Variants in IPO8 observed in about 807,000 individuals in gnomAD.
IPO8 encodes the protein importin 8.
A neutral mutation model predicts 141.2 loss-of-function variants in IPO8; 65 were observed. The ratio of observed to expected loss-of-function variants is 0.46; its 90% CI spans 0.38 to 0.57. The LOEUF is 0.57. Among genes scored for constraint, IPO8 ranks in the 20% least tolerant of loss-of-function variants. The probability of loss-of-function intolerance (pLI) is 0.00; values close to 1 mark genes in which losing one functional copy is unlikely to be tolerated. For missense variants in IPO8, 980 were observed against 1,246.8 expected, an observed-to-expected ratio of 0.79 and a Z score of 3.22; for synonymous variants, 411 against 420.3, an observed-to-expected ratio of 0.98 and a Z score of 0.27.
At chr12:30,688,749 A>G (rs2053265515) in intron 2 of IPO8, 1 of 157,130 alleles carries the variant, frequency 6.4e-6, no homozygotes, top group African/African-American at 2.4e-5. Context: ...TGGGGAACCT[A>G]GCATTCTAAT....
chr12:30,645,115 T>C (rs1367619112), intron 20 of IPO8, among the ~76,000 whole-genome samples: 2 of 151,770 alleles, frequency 1.3e-5, no homozygotes, highest in Non-Finnish European at 1.5e-5. Context: ...GGCTCACGCC[T>C]GTAATCCCAG....
In IPO8 at chr12:30,695,675, C is replaced by T; in HGVS notation, c.-28G>A. On this transcript the variant is annotated 5_prime_UTR_variant, in exon 1 of 25. Coordinates refer to ENST00000256079, the MANE Select transcript of IPO8 (RefSeq NM_006390.4). This position sits in a 1 kb window ranked among gnomAD's most constrained non-coding sequence, Gnocchi z 4.2. ...CCCCGGGTGGGGGCTCCGCGGCCCCCGGAACAGTAGGCCGGACTGCAGCTT... is the reference window on the plus strand; with the variant it reads ...CCCCGGGTGGGGGCTCCGCGGCCCCTGGAACAGTAGGCCGGACTGCAGCTT... 6.2e-7 allele frequency: 1 copy of T among 1,603,624 alleles called. No individual in the cohort carries two copies. Among genetic ancestry groups the T allele is most frequent in the South Asian group, 1.1e-5 (1 of 90,816 alleles).
In IPO8 at chr12:30,637,112, A is replaced by T. The variant is rs1436446100; in HGVS notation, c.2565T>A (p.Asp855Glu). Residue 855 changes from aspartate (D) to glutamate (E), a missense_variant, in exon 22 of 25, where the codon GAT (aspartate) becomes GAA (glutamate). Physicochemically the swap from Asp to Glu is conservative, Grantham distance 45. This residue lies in a region of IPO8 where 924 missense variants were observed against 1,153.9 expected (regional missense o/e 0.80). Coordinates refer to ENST00000256079, the MANE Select transcript of IPO8 (RefSeq NM_006390.4). ...LELQNRPPAV[D>E]AVVGQIVPSI... The stretch of plus-strand genomic sequence containing the variant: ...AGGGAACAATCTGTCCCACCACAGC[A>T]TCTACTGCAGGAGGTCGATTTTGCA... The T allele has an allele frequency of 6.2e-7, 1 of 1,614,040 alleles. No individual in the cohort carries two copies. Among genetic ancestry groups the T allele is most frequent in the Non-Finnish European group, 8.5e-7 (1 of 1,179,958 alleles).
rs746120489 is a variant in IPO8 at position 30,662,404 on chromosome 12, TA to T, written c.1677del (p.Thr560LeufsTer7). On this transcript the variant is annotated frameshift_variant, in exon 15 of 25. Transcript: ENST00000256079. LOFTEE classifies it high-confidence loss of function. Reference sequence around the variant, plus strand: ...CATATCATCTTCTGGATGACATTAGTAACATCATCATTTTCTGTCTCTCTAA... The same window carrying T: ...CATATCATCTTCTGGATGACATTAGTACATCATCATTTTCTGTCTCTCTAA... ...HIVRETENDDVTNVIQKMICE... is the reference protein window; with the variant it reads ...HIVRETENDDXTNVIQKMICE... 1 of 1,613,034 alleles carries T rather than the reference TA, an allele frequency of 6.2e-7. No individual in the cohort carries two copies. Among genetic ancestry groups the T allele is most frequent in the African/African-American group, 1.3e-5 (1 of 74,900 alleles).
At chr12:30,631,277 C>T (rs990874754) in intron 24 of IPO8, among the ~76,000 whole-genome samples, 2 of 152,174 alleles carry the variant, frequency 1.3e-5, no homozygotes, top group African/African-American at 4.8e-5. Flanking sequence ...TGAGAATCTG[C>T]ACAGAACTGA....
chr12:30,671,701 A>C (rs928213717), intron 8 of IPO8, among the ~76,000 whole-genome samples: 6 of 144,634 alleles, frequency 4.1e-5, no homozygotes, highest in African/African-American at 1.5e-4. Context: ...AAAAAAAAAA[A>C]TTACAATAAC....
intron 20 of IPO8, among the ~76,000 whole-genome samples, chr12:30,647,485 C>T (rs1043238101): frequency 6.6e-6 from 1 of 150,774 alleles, no homozygotes; most frequent in African/African-American, 2.4e-5. Context: ...TGTAGTAGCA[C>T]GTGCCTGCAG....
At chr12:30,643,480 G>A (rs756552640) in intron 20 of IPO8, among the ~76,000 whole-genome samples, 6 of 152,132 alleles carry the variant, frequency 3.9e-5, no homozygotes, top group Non-Finnish European at 7.4e-5. Context: ...CTATGGTCTC[G>A]ATATGGTTTG....
chr12:30,695,662 G>A lies in IPO8; in HGVS notation c.-15C>T, dbSNP rs778491175. On this transcript the variant is annotated 5_prime_UTR_variant, in exon 1 of 25. Transcript: ENST00000256079. The surrounding 1 kb of genome is among the most constrained non-coding windows in gnomAD (Gnocchi z 4.2). ...TTGAGGTCCATCTCCCCGGGTGGGG[G>A]CTCCGCGGCCCCCGGAACAGTAGGC... 2.5e-5 allele frequency: 41 copies of A among 1,611,888 alleles called. No individual in the cohort carries two copies. In the Admixed American group the frequency reaches 5.2e-4, roughly 20 times the overall value.
intron 23 of IPO8, 30 bp from the exon 24 acceptor site, chr12:30,632,041 G>A: frequency 1.4e-6 from 2 of 1,433,880 alleles, no homozygotes; most frequent in Non-Finnish European, 2.0e-6. Context: ...AAAGACAGGA[G>A]GGTACAGCGA....
chr12:30,668,059 A>AAG (rs57185367), intron 10 of IPO8, among the ~76,000 whole-genome samples: 83 of 149,628 alleles, frequency 5.5e-4, no homozygotes, highest in East Asian at 4.7e-3. Flanking sequence ...GAACAAAAAA[A>AAG]AGAGAGAGAG....
chr12:30,665,840 C>T lies in IPO8; in HGVS notation c.1227G>A (p.Leu409=). 1 of 1,605,944 alleles carries T rather than the reference C, an allele frequency of 6.2e-7. No individual in the cohort carries two copies. The highest frequency in any genetic ancestry group is 8.5e-7 in the Non-Finnish European group (1 of 1,172,888). The change falls in exon 12 of 25, where the codon TTG becomes TTA. Residue 409 remains leucine (L), a synonymous_variant. Transcript: ENST00000256079. ...YTAAKKRKEV[L]PKMMAFCYQI... is the part of the protein sequence containing the mutation. Reference sequence around the variant, plus strand: ...GATAACAGAATGCCATCATTTTTGGCAACACCTAAAGAAACAGAAGAATCC... The same window carrying T: ...GATAACAGAATGCCATCATTTTTGGTAACACCTAAAGAAACAGAAGAATCC...
intron 19 of IPO8, among the ~76,000 whole-genome samples, chr12:30,650,366 TAGAG>T (rs2052709224): frequency 6.6e-6 from 1 of 151,972 alleles, no homozygotes; most frequent in Non-Finnish European, 1.5e-5. Flanking sequence ...CAGAAAAAAG[TAGAG>T]AGAACAGCAA....
chr12:30,670,003 G>A lies in IPO8; in HGVS notation c.1045-721C>T, dbSNP rs117811805. 2.7e-3 allele frequency among the ~76,000 whole-genome samples: 418 copies of A among 152,180 alleles called. 3 individuals are homozygous for A. The highest frequency in any genetic ancestry group is 0.022 in the East Asian group (113 of 5,182). On this transcript the variant is annotated intron_variant, in intron 9 of 24. Coordinates refer to ENST00000256079, the MANE Select transcript of IPO8 (RefSeq NM_006390.4). ...GAAAAAATTCAGCCTAAGGATCAGC[G>A]TTTTCTTATTCCTACTTTACAGCTA...
At chr12:30,634,927 G>A (rs548892565) in intron 22 of IPO8, among the ~76,000 whole-genome samples, 60 of 152,214 alleles carry the variant, frequency 3.9e-4, no homozygotes, top group South Asian at 2.3e-3. Flanking sequence ...CAACCTAAGT[G>A]TCCATCAACA....
In IPO8 at chr12:30,663,696, T is replaced by C. The variant is rs953335947; in HGVS notation, c.1429-42A>G. ...GGTAAGTAGGGAGCTATTAGGATTA[T>C]AGCATTCTGTAATAATATCACAGAT... On this transcript the variant is annotated intron_variant, in intron 13 of 24. Transcript: ENST00000256079. 6.4e-6 allele frequency: 9 copies of C among 1,415,916 alleles called. No homozygotes were observed. The African/African-American group carries it at 1.3e-4, about 20-fold the overall frequency. The allele number at this position is 1,415,916 out of a possible 1,614,324, so 87.7% of individuals were successfully genotyped here. A position where few individuals can be genotyped will look rare whatever the true frequency, so the allele number is the denominator to read the frequency against.
At chr12:30,689,683 G>C (rs1591847582) in intron 2 of IPO8, among the ~76,000 whole-genome samples, 1 of 152,130 alleles carries the variant, frequency 6.6e-6, no homozygotes, top group Non-Finnish European at 1.5e-5. Flanking sequence ...CCTTCTACGT[G>C]AACACATGGA....
At chr12:30,644,383 AG>A in intron 20 of IPO8, among the ~76,000 whole-genome samples, 1 of 150,574 alleles carries the variant, frequency 6.6e-6, no homozygotes, top group African/African-American at 2.4e-5. Flanking sequence ...AAAAAAAAAA[AG>A]GTTTTTAAAT....
chr12:30,664,983 G>A (rs936452456), intron 13 of IPO8, among the ~76,000 whole-genome samples: 4 of 152,122 alleles, frequency 2.6e-5, no homozygotes, highest in East Asian at 3.9e-4. Flanking sequence ...CAAGTGATCC[G>A]CCCACCTCAG....
Sources: allele counts gnomAD v4.1 joint callset (sites outside exome capture counted in the v4.1 genomes callset), GRCh38; gene constraint gnomAD v4.1.1; regional missense constraint gnomAD v4.1.1; non-coding constraint Gnocchi (gnomAD v3.1); transcripts MANE v1.5; gene names NCBI Gene and HGNC (gene_info 2026-07-23, HGNC 2026-07-21).